CSMD1: variants seen among roughly 807,000 people sequenced by gnomAD.
CSMD1 encodes the protein CUB and Sushi multiple domains 1, also known as CUB and sushi domain-containing protein 1.
CSMD1 carries 213 observed loss-of-function variants against 417.5 expected under a neutral mutation model. The observed-to-expected ratio is 0.51, with a 90% confidence interval of 0.46 to 0.57. CSMD1 has a LOEUF of 0.57. CSMD1 is among the 20% of genes least tolerant of loss of function. The pLI, the probability that CSMD1 is intolerant of heterozygous loss-of-function variation, is 0.00. For synonymous variants in CSMD1, 2,862 were observed against 1,736.8 expected, an observed-to-expected ratio of 1.65 and a Z score of -16.11; for missense variants, 6,923 against 4,529.7, an observed-to-expected ratio of 1.53 and a Z score of -15.17.
intron 5 of CSMD1, among the ~76,000 whole-genome samples, chr8:3,817,115 T>A (rs964181698): frequency 6.6e-6 from 1 of 151,962 alleles, no homozygotes; most frequent in Non-Finnish European, 1.5e-5. Context: ...GAAGATCTTA[T>A]AGAGAGAGCT....
At chr8:3,523,942 C>A (rs1045916627) in intron 10 of CSMD1, among the ~76,000 whole-genome samples, 1 of 149,708 alleles carries the variant, frequency 6.7e-6, no homozygotes, top group Non-Finnish European at 1.5e-5. Flanking sequence ...CACACTCAGA[C>A]ACGTGCATAC....
intron 3 of CSMD1, among the ~76,000 whole-genome samples, chr8:4,291,226 G>C (rs1797341970): frequency 2.0e-5 from 3 of 152,044 alleles, no homozygotes; most frequent in Admixed American, 1.3e-4. Context: ...AAAATAATAT[G>C]CTTATGATAT....
intron 3 of CSMD1, among the ~76,000 whole-genome samples, chr8:4,143,369 CCCTTT>C (rs1563180506): frequency 3.7e-5 from 4 of 108,926 alleles, no homozygotes; most frequent in Non-Finnish European, 3.5e-5. Context: ...GACGTCTTAT[CCCTTT>C]TTTTTTTTTT....
intron 3 of CSMD1, among the ~76,000 whole-genome samples, chr8:4,398,643 T>C (rs538235838): frequency 6.6e-5 from 10 of 152,060 alleles, no homozygotes; most frequent in Non-Finnish European, 1.0e-4. Flanking sequence ...GATCTGCCCC[T>C]CTTGGCCTCC....
intron 5 of CSMD1, among the ~76,000 whole-genome samples, chr8:3,945,162 T>G (rs1026905809): frequency 7.9e-6 from 1 of 126,294 alleles, no homozygotes; most frequent in Non-Finnish European, 1.6e-5. Context: ...TGCCAATAAT[T>G]TGACCATGAG....
intron 1 of CSMD1, among the ~76,000 whole-genome samples, chr8:4,859,757 A>G (rs1246094385): frequency 1.3e-5 from 2 of 151,946 alleles, no homozygotes; most frequent in Non-Finnish European, 2.9e-5. Flanking sequence ...AAGTCAGGAA[A>G]CAACAGGTGC....
chr8:3,199,947 A>C (rs1796905950), intron 32 of CSMD1, 138 bp from the exon 33 acceptor site: 1 of 586,808 alleles, frequency 1.7e-6, no homozygotes, highest in African/African-American at 1.9e-5. Flanking sequence ...ATGGTTTAAA[A>C]CTCAAATATG....
At chr8:3,196,033 G>T (rs207468910) in intron 33 of CSMD1, among the ~76,000 whole-genome samples, 1 of 152,210 alleles carries the variant, frequency 6.6e-6, no homozygotes, top group South Asian at 2.1e-4. Context: ...TCGGCACAAG[G>T]TATAGATCAC....
chr8:3,924,483 C>G (rs1033087605), intron 5 of CSMD1, among the ~76,000 whole-genome samples: 8 of 152,130 alleles, frequency 5.3e-5, no homozygotes, highest in African/African-American at 1.9e-4. Context: ...TCTGAGACTT[C>G]TATGATACAT....
At chr8:3,213,598 G>C (rs1488867921) in intron 30 of CSMD1, among the ~76,000 whole-genome samples, 5 of 151,930 alleles carry the variant, frequency 3.3e-5, no homozygotes, top group South Asian at 2.1e-4. Flanking sequence ...GTTTTGGGGG[G>C]AAATGACATA....
intron 37 of CSMD1, among the ~76,000 whole-genome samples, chr8:3,180,366 T>C (rs188261462): frequency 1.3e-5 from 2 of 152,238 alleles, no homozygotes; most frequent in Non-Finnish European, 2.9e-5. Flanking sequence ...AACAGCTCTC[T>C]ACTCGTTCTT....
chr8:4,580,708 G>C (rs934695849), intron 2 of CSMD1, among the ~76,000 whole-genome samples: 1 of 152,122 alleles, frequency 6.6e-6, no homozygotes, highest in Non-Finnish European at 1.5e-5. Flanking sequence ...GACAACACCA[G>C]GAAGCCCTTC....
chr8:4,079,060 G>C (rs1019933315), intron 3 of CSMD1, among the ~76,000 whole-genome samples: 1 of 151,554 alleles, frequency 6.6e-6, no homozygotes. Context: ...GAGTGGTCCC[G>C]AATGGAACTT....
chr8:3,839,183 A>C (rs577061836), intron 5 of CSMD1, among the ~76,000 whole-genome samples: 7 of 126,780 alleles, frequency 5.5e-5, no homozygotes, highest in Non-Finnish European at 1.1e-4. Context: ...ATATTTATAT[A>C]TAATAAATAA....
intron 13 of CSMD1, 85 bp downstream of exon 13, chr8:3,409,338 T>C: frequency 7.8e-7 from 1 of 1,281,742 alleles, no homozygotes; most frequent in Non-Finnish European, 1.0e-6. Flanking sequence ...CCTCCCTAAA[T>C]GGGCGGTCTG....
chr8:3,590,502 T>C (rs1359051714), intron 8 of CSMD1, among the ~76,000 whole-genome samples: 2 of 152,152 alleles, frequency 1.3e-5, no homozygotes, highest in African/African-American at 4.8e-5. Context: ...GCTTCCACAA[T>C]CATCACCTGG....
chr8:3,346,843 A>G (rs948809711), intron 22 of CSMD1, among the ~76,000 whole-genome samples: 1 of 152,232 alleles, frequency 6.6e-6, no homozygotes, highest in African/African-American at 2.4e-5. Context: ...GTAGATGTAA[A>G]TTAATTGAAA....
chr8:3,573,271 G>C (rs564048513), intron 10 of CSMD1, among the ~76,000 whole-genome samples: 1 of 152,236 alleles, frequency 6.6e-6, no homozygotes, highest in South Asian at 2.1e-4. Flanking sequence ...CAACTACTAA[G>C]TGGCAGAGCT....
chr8:3,726,265 T>C (rs538259925), intron 6 of CSMD1, among the ~76,000 whole-genome samples: 1 of 152,302 alleles, frequency 6.6e-6, no homozygotes, highest in Non-Finnish European at 1.5e-5. Flanking sequence ...ACAGCCCAGC[T>C]AGGCTGCACA....
Sources: allele counts gnomAD v4.1 joint callset (sites outside exome capture counted in the v4.1 genomes callset), GRCh38; gene constraint gnomAD v4.1.1; transcripts MANE v1.5; gene names NCBI Gene and HGNC (gene_info 2026-07-23, HGNC 2026-07-21).